The following SEMA3D variants were observed in gnomAD, a reference collection of about 807,000 sequenced individuals.
The protein encoded by SEMA3D is semaphorin 3D.
Under a neutral mutation model 100.1 loss-of-function variants are expected in SEMA3D, and 84 were observed. The ratio of observed to expected loss-of-function variants is 0.84; its 90% CI spans 0.70 to 1.01. The LOEUF (loss-of-function observed/expected upper bound fraction) is 1.01. SEMA3D is among the 50% of genes least tolerant of loss of function. The pLI is 0.00. For missense variants in SEMA3D, 875 were observed against 934.1 expected (o/e 0.94, Z 0.82); for synonymous variants, 312 against 320.7 (o/e 0.97, Z 0.29).
intron 9 of SEMA3D, among the ~76,000 whole-genome samples, chr7:85,049,952 C>T (rs1443360685): frequency 1.3e-5 from 2 of 151,588 alleles, no homozygotes; most frequent in East Asian, 1.9e-4. Context: ...GCAGCTCTTC[C>T]AAAAATGAAT....
At chr7:85,197,049 C>T in the SEMA3D span, among the ~76,000 whole-genome samples, 1 of 151,964 alleles carries the variant, frequency 6.6e-6, no homozygotes. Flanking sequence ...TGACTTACTT[C>T]CCAACCTGAC....
intron 1 of SEMA3D, among the ~76,000 whole-genome samples, chr7:85,168,848 AG>A (rs769525745): frequency 1.3e-4 from 15 of 115,476 alleles, no homozygotes; most frequent in South Asian, 3.0e-4. Context: ...AAAGAAAGAA[AG>A]AAAGAAAGAA....
chr7:85,243,860 T>C, the SEMA3D span, among the ~76,000 whole-genome samples: 1 of 152,214 alleles, frequency 6.6e-6, no homozygotes, highest in Admixed American at 6.5e-5. Context: ...ATTTATTTTA[T>C]AAATCACGTC....
At chr7:85,137,763 C>T (rs1259161812) in intron 2 of SEMA3D, among the ~76,000 whole-genome samples, 1 of 152,116 alleles carries the variant, frequency 6.6e-6, no homozygotes, top group Non-Finnish European at 1.5e-5. Flanking sequence ...ACACAAATTA[C>T]TTTCCTTATT....
upstream of SEMA3D, among the ~76,000 whole-genome samples, chr7:85,189,731 T>G (rs566287793): frequency 8.5e-5 from 13 of 152,294 alleles, no homozygotes; most frequent in African/African-American, 2.6e-4. Context: ...AATAAATAAA[T>G]TGTGTGCCTT....
chr7:85,029,662 C>A (rs1413933604), intron 12 of SEMA3D: 3 of 404,470 alleles, frequency 7.4e-6, no homozygotes, highest in East Asian at 6.2e-5. Flanking sequence ...TCTGGTGGTG[C>A]TTTTCAGGGC....
intron 12 of SEMA3D, 46 bp downstream of exon 12, chr7:85,036,843 A>G: frequency 5.4e-6 from 8 of 1,484,278 alleles, no homozygotes; most frequent in Non-Finnish European, 7.4e-6. Flanking sequence ...TTAAGAATTA[A>G]ATATGAGCTT....
At chr7:85,120,758 G>A (rs886638031) in intron 3 of SEMA3D, among the ~76,000 whole-genome samples, 2 of 150,084 alleles carry the variant, frequency 1.3e-5, no homozygotes, top group African/African-American at 2.5e-5. Context: ...AGATAAAAAC[G>A]TCCTAGATTA....
At chr7:85,007,289 T>C (rs925894203) in intron 17 of SEMA3D, among the ~76,000 whole-genome samples, 1 of 151,896 alleles carries the variant, frequency 6.6e-6, no homozygotes, top group Non-Finnish European at 1.5e-5. Flanking sequence ...TTTTTGTTAA[T>C]ATAAAATATA....
At chr7:85,055,228 A>C (rs1382147868) in intron 9 of SEMA3D, among the ~76,000 whole-genome samples, 2 of 152,122 alleles carry the variant, frequency 1.3e-5, no homozygotes, top group East Asian at 1.9e-4. Context: ...AAAATGTAGA[A>C]TATACATCTG....
intron 2 of SEMA3D, among the ~76,000 whole-genome samples, chr7:85,147,657 A>G (rs1790255454): frequency 2.0e-5 from 3 of 152,042 alleles, no homozygotes; most frequent in Non-Finnish European, 2.9e-5. Flanking sequence ...CTTAAGAATC[A>G]ATTTTTTCAA....
the SEMA3D span, among the ~76,000 whole-genome samples, chr7:85,210,409 T>G: frequency 6.6e-6 from 1 of 152,212 alleles, no homozygotes. Flanking sequence ...TAAATCATTA[T>G]TTGACATTCC....
chr7:85,231,795 T>C, the SEMA3D span, among the ~76,000 whole-genome samples: 2 of 152,274 alleles, frequency 1.3e-5, no homozygotes. Context: ...TTGTATTCTT[T>C]GCATTTTTCC....
chr7:85,167,282 T>C (rs1406253981), intron 1 of SEMA3D: 1 of 984,806 alleles, frequency 1.0e-6, no homozygotes, highest in Non-Finnish European at 1.2e-6. Flanking sequence ...AATAGAGAAG[T>C]GAGGCCAAGA....
At chr7:85,043,276 T>C (rs746904668) in intron 9 of SEMA3D, among the ~76,000 whole-genome samples, 1 of 152,052 alleles carries the variant, frequency 6.6e-6, no homozygotes, top group Non-Finnish European at 1.5e-5. Context: ...GGAAGATCAC[T>C]TAAGCCCAGG....
chr7:85,022,279 C>T, intron 13 of SEMA3D, 112 bp downstream of exon 13: 1 of 707,686 alleles, frequency 1.4e-6, no homozygotes, highest in Non-Finnish European at 2.4e-6. Context: ...AAGGTTTTAT[C>T]TAATAATTAC....
At chr7:85,018,658 T>C (rs1790171994) in intron 14 of SEMA3D, among the ~76,000 whole-genome samples, 1 of 151,820 alleles carries the variant, frequency 6.6e-6, no homozygotes, top group East Asian at 1.9e-4. Context: ...TAATTATTTA[T>C]TACCTCTTTC....
chr7:85,205,320 A>G, the SEMA3D span, among the ~76,000 whole-genome samples: 1 of 152,150 alleles, frequency 6.6e-6, no homozygotes, highest in Non-Finnish European at 1.5e-5. Context: ...TAGATTTTAA[A>G]TGTTCTCACC....
At chr7:85,109,486 A>G (rs1483467797) in intron 3 of SEMA3D, among the ~76,000 whole-genome samples, 1 of 151,932 alleles carries the variant, frequency 6.6e-6, no homozygotes, top group Non-Finnish European at 1.5e-5. Flanking sequence ...TGAAGTATTT[A>G]TCTTAATTTC....
Sources: allele counts gnomAD v4.1 joint callset (sites outside exome capture counted in the v4.1 genomes callset), GRCh38; gene constraint gnomAD v4.1.1; transcripts MANE v1.5; gene names NCBI Gene and HGNC (gene_info 2026-07-23, HGNC 2026-07-21).